Variants in SRRM3 observed in about 807,000 individuals in gnomAD.
SRRM3 encodes the protein serine/arginine repetitive matrix 3, also known as serine/arginine repetitive matrix protein 3.
A neutral mutation model predicts 66.2 loss-of-function variants in SRRM3; 27 were observed. That is an observed-to-expected ratio of 0.41 (90% confidence interval 0.30 to 0.56). The LOEUF (loss-of-function observed/expected upper bound fraction) is 0.56. SRRM3 is among the 20% of genes least tolerant of loss of function. The pLI is 0.32. For missense variants in SRRM3, 918 were observed against 991.9 expected (o/e 0.93, Z 1.00); for synonymous variants, 391 against 414.9 (o/e 0.94, Z 0.70).
intron 1 of SRRM3, among the ~76,000 whole-genome samples, chr7:76,221,359 CTTTTTTTTTTTTT>C (rs781915041): frequency 1.0e-5 from 1 of 95,366 alleles, no homozygotes; most frequent in Non-Finnish European, 1.8e-5. Flanking sequence ...CTGCCCTCCT[CTTTTTTTTTTTTT>C]TTTTTTTTGA....
chr7:76,247,541 G>C (rs1465476249), intron 2 of SRRM3, among the ~76,000 whole-genome samples: 2 of 152,162 alleles, frequency 1.3e-5, no homozygotes, highest in African/African-American at 4.8e-5. Flanking sequence ...GTGGGAGGGA[G>C]GCCTGCCCTG....
In SRRM3 at chr7:76,261,566, G is replaced by A. The variant is rs1801872128; in HGVS notation, c.659G>A (p.Arg220Lys). ...TACAGGTCTGATTCTGGGTCCCGGAGGAAGAGACGGCACAGGTGAGCGGCG... is the reference window on the plus strand; with the variant it reads ...TACAGGTCTGATTCTGGGTCCCGGAAGAAGAGACGGCACAGGTGAGCGGCG... The part of the protein sequence containing the change: ...RRDRSDSGSR[R>K]KRRHRSRSSK... Residue 220 changes from arginine (R) to lysine (K), a missense_variant, in exon 8 of 15, where the codon AGG (arginine) becomes AAG (lysine). Arg to Lys is a conservative substitution (Grantham distance 26). Transcript: ENST00000611745. The A allele has an allele frequency of 1.2e-6, 2 of 1,611,862 alleles. No individual in the cohort carries two copies. The highest frequency in any genetic ancestry group is 1.7e-6 in the Non-Finnish European group (2 of 1,179,172).
In SRRM3 at chr7:76,211,885, G is replaced by A. The variant is rs991524471; in HGVS notation, c.-40+9818G>A. Among the ~76,000 whole-genome samples the A allele has an allele frequency of 2.7e-5, 4 of 149,414 alleles. No individual in the cohort carries two copies. The South Asian group carries it at 8.4e-4, about 31-fold the overall frequency. On this transcript the variant is annotated intron_variant, in intron 1 of 14. Coordinates refer to ENST00000611745, the MANE Select transcript of SRRM3 (RefSeq NM_001110199.3). ...GACTAGGTCTCACTCTCTTGTCCAGGCTGGAGTGCAGTGGCGCAATCACGG... is the reference window on the plus strand; with the variant it reads ...GACTAGGTCTCACTCTCTTGTCCAGACTGGAGTGCAGTGGCGCAATCACGG...
At chr7:76,242,196 T>C (rs531154753) in intron 2 of SRRM3, among the ~76,000 whole-genome samples, 1 of 151,910 alleles carries the variant, frequency 6.6e-6, no homozygotes, top group Admixed American at 6.6e-5. Context: ...TGGAAGAAAA[T>C]TTTTCTGGCT....
intron 2 of SRRM3, among the ~76,000 whole-genome samples, chr7:76,242,586 A>G (rs1801335676): frequency 6.6e-6 from 1 of 151,908 alleles, no homozygotes; most frequent in African/African-American, 2.4e-5. Flanking sequence ...CTTTATTTCT[A>G]TTATTATTAG....
intron 1 of SRRM3, among the ~76,000 whole-genome samples, chr7:76,213,427 G>A (rs764076437): frequency 1.3e-5 from 2 of 152,256 alleles, no homozygotes; most frequent in Non-Finnish European, 1.5e-5. Context: ...GATGTAGGTC[G>A]GTCCTAGTTG....
chr7:76,239,136 C>T (rs1801221799), intron 2 of SRRM3, among the ~76,000 whole-genome samples: 1 of 151,432 alleles, frequency 6.6e-6, no homozygotes, highest in Non-Finnish European at 1.5e-5. Flanking sequence ...AGGTTCAAGC[C>T]ATTCTCCTGC....
Position 76,236,699 on chromosome 7 carries a change from A to G in SRRM3, c.233+1400A>G, listed in dbSNP as rs576014008. Among the ~76,000 whole-genome samples, 36 of 152,314 alleles carry G rather than the reference A, an allele frequency of 2.4e-4. 3 individuals are homozygous for G. In the East Asian group the frequency reaches 7.0e-3, roughly 29 times the overall value. ...CTGGCTGCCAGGCAAGGCTGCTTGT[A>G]GGGAGAAGAAGGGGTAATGGGGACC... On this transcript the variant is annotated intron_variant, in intron 2 of 14. Coordinates refer to ENST00000611745, the MANE Select transcript of SRRM3 (RefSeq NM_001110199.3).
chr7:76,260,432 G>A (rs1476859402), intron 5 of SRRM3, among the ~76,000 whole-genome samples: 2 of 60,096 alleles, frequency 3.3e-5, no homozygotes, highest in Non-Finnish European at 6.5e-5. Context: ...CCTCCCCTTC[G>A]CTAGGTTCCG....
chr7:76,220,144 C>G (rs1554603023), intron 1 of SRRM3, among the ~76,000 whole-genome samples: 1 of 152,210 alleles, frequency 6.6e-6, no homozygotes, highest in African/African-American at 2.4e-5. Flanking sequence ...GGTGGCTGCT[C>G]TGTGCCAAGC....
chr7:76,217,410 G>A (rs1469806396), intron 1 of SRRM3, among the ~76,000 whole-genome samples: 3 of 152,032 alleles, frequency 2.0e-5, no homozygotes, highest in Admixed American at 6.6e-5. Context: ...TCAACTTCCC[G>A]AGTAGCTGGA....
At chr7:76,202,573 A>C (rs1800179395) in intron 1 of SRRM3, among the ~76,000 whole-genome samples, 1 of 151,998 alleles carries the variant, frequency 6.6e-6, no homozygotes, top group Non-Finnish European at 1.5e-5. Flanking sequence ...TGGCAAGGAG[A>C]ACTGGGTCTC....
chr7:76,238,532 C>G (rs1554605239), intron 2 of SRRM3, among the ~76,000 whole-genome samples: 1 of 152,176 alleles, frequency 6.6e-6, no homozygotes, highest in African/African-American at 2.4e-5. Flanking sequence ...TCCCAGACAG[C>G]CTTGGCTTGC....
chr7:76,247,488 A>T (rs1011345878), intron 2 of SRRM3, among the ~76,000 whole-genome samples: 1 of 151,638 alleles, frequency 6.6e-6, no homozygotes, highest in Non-Finnish European at 1.5e-5. Context: ...CAGAATTCTC[A>T]CTCTTCCCCT....
intron 9 of SRRM3, 31 bp from the exon 10 acceptor site, chr7:76,265,333 G>A (rs1801981618): frequency 1.3e-6 from 2 of 1,548,624 alleles, no homozygotes; most frequent in East Asian, 2.4e-5. Context: ...GCAGAATTGA[G>A]GTACAGGCTG....
Position 76,285,869 on chromosome 7 carries a change from C to A in SRRM3, c.*26C>A, listed in dbSNP as rs943882468. 3 of 1,533,892 alleles carry A rather than the reference C, an allele frequency of 2.0e-6. No individual in the cohort carries two copies. The South Asian group carries it at 3.6e-5, about 19-fold the overall frequency. ...GCCCAGACAGACTCAGCTTGGTGCC[C>A]CCCTGGCACTGGGAGAGGCGAGGGG... On this transcript the variant is annotated 3_prime_UTR_variant, in exon 15 of 15. Transcript: ENST00000611745. This position sits in a 1 kb window ranked among gnomAD's most constrained non-coding sequence, Gnocchi z 4.1.
intron 8 of SRRM3, among the ~76,000 whole-genome samples, chr7:76,263,698 AAAACAAAC>A (rs528752673): frequency 6.6e-6 from 1 of 151,814 alleles, no homozygotes; most frequent in Non-Finnish European, 1.5e-5. Flanking sequence ...TGTTTCTACT[AAAACAAAC>A]AAACAAACAA....
intron 2 of SRRM3, 75 bp downstream of exon 2, chr7:76,235,374 C>T (rs939126325): frequency 6.9e-6 from 8 of 1,163,690 alleles, no homozygotes; most frequent in African/African-American, 3.2e-5. Context: ...TGATGCTGCA[C>T]GTGGGCGTGG....
chr7:76,208,382 C>T (rs142623690), intron 1 of SRRM3, among the ~76,000 whole-genome samples: 1 of 151,712 alleles, frequency 6.6e-6, no homozygotes, highest in East Asian at 1.9e-4. Flanking sequence ...TGGAAAGCAC[C>T]CCGGAGCCAG....
Sources: allele counts gnomAD v4.1 joint callset (sites outside exome capture counted in the v4.1 genomes callset), GRCh38; gene constraint gnomAD v4.1.1; non-coding constraint Gnocchi (gnomAD v3.1); transcripts MANE v1.5; gene names NCBI Gene and HGNC (gene_info 2026-07-23, HGNC 2026-07-21).